The following NFYA variants were observed in gnomAD, a reference collection of about 807,000 sequenced individuals.
NFYA encodes the protein CAAT-box DNA binding protein subunit A.
In NFYA, 28 loss-of-function variants were observed where a neutral mutation model predicts 52.8. The ratio of observed to expected loss-of-function variants is 0.53; its 90% CI spans 0.39 to 0.73. The LOEUF is 0.73. Ranked by LOEUF, NFYA falls within the 30% of genes least tolerant of loss-of-function variation. NFYA has a pLI of 0.00. For missense variants in NFYA, 234 were observed against 427.0 expected (o/e 0.55, Z 3.98); for synonymous variants, 150 against 150.7 (o/e 1.00, Z 0.03).
chr6:41,081,036 C>T (rs1763890845), intron 3 of NFYA, 139 bp downstream of exon 3: 2 of 600,600 alleles, frequency 3.3e-6, no homozygotes, highest in Admixed American at 2.8e-5. Context: ...GTCTTTGAGG[C>T]TTATAAGATG....
chr6:41,079,029 G>A lies in NFYA; in HGVS notation c.-61G>A. On this transcript the variant is annotated splice_region_variant and 5_prime_UTR_variant, in exon 2 of 10. Transcript: ENST00000341376. ...GTTTCTTTCCCCACCTTTCTAACAG[G>A]AGTGTACCTCACAGCCTTCTAGGAT... is the stretch of plus-strand genomic sequence containing the variant. The A allele has an allele frequency of 6.1e-6, 9 of 1,482,108 alleles. No homozygotes were observed. Among genetic ancestry groups the A allele is most frequent in the Non-Finnish European group, 8.5e-6 (9 of 1,064,334 alleles). The allele number at this position is 1,482,108 out of a possible 1,614,324, so 91.8% of individuals were successfully genotyped here. A position where few individuals can be genotyped will look rare whatever the true frequency, so the allele number is the denominator to read the frequency against.
At chr6:41,084,388 A>T (rs1033290548) in intron 4 of NFYA, among the ~76,000 whole-genome samples, 196 bp downstream of exon 4, 1 of 152,232 alleles carries the variant, frequency 6.6e-6, no homozygotes, top group Non-Finnish European at 1.5e-5. Context: ...TCCAGTAATG[A>T]CTAAGATATT....
intron 9 of NFYA, among the ~76,000 whole-genome samples, chr6:41,096,301 A>C (rs1764354812): frequency 6.6e-6 from 1 of 152,210 alleles, no homozygotes; most frequent in Non-Finnish European, 1.5e-5. Flanking sequence ...GTAGTGTGAG[A>C]GCCCCTCCTT....
chr6:41,080,258 T>C (rs1256490440), intron 2 of NFYA, among the ~76,000 whole-genome samples: 1 of 152,028 alleles, frequency 6.6e-6, no homozygotes, highest in Non-Finnish European at 1.5e-5. Flanking sequence ...AAGACCAGCC[T>C]GGGCAAAACA....
At chr6:41,095,669 G>A (rs918189928) in intron 9 of NFYA, among the ~76,000 whole-genome samples, 3 of 152,164 alleles carry the variant, frequency 2.0e-5, no homozygotes, top group African/African-American at 7.2e-5. Context: ...AGGCTCAAGC[G>A]ATCCTCTCGC....
chr6:41,079,314 C>T (rs1352815577), intron 2 of NFYA, 150 bp downstream of exon 2: 2 of 698,650 alleles, frequency 2.9e-6, no homozygotes, highest in Non-Finnish European at 4.9e-6. Context: ...AATGCCATGT[C>T]TAGCCCATGA....
At chr6:41,096,185 A>G (rs1208740173) in intron 9 of NFYA, among the ~76,000 whole-genome samples, 1 of 152,318 alleles carries the variant, frequency 6.6e-6, no homozygotes, top group Middle Eastern at 3.4e-3. Context: ...TCTGTATAAC[A>G]TCTAAGCAAC....
chr6:41,094,784 C>T (rs1348906481), intron 9 of NFYA, among the ~76,000 whole-genome samples: 1 of 152,134 alleles, frequency 6.6e-6, no homozygotes, highest in Admixed American at 6.6e-5. Flanking sequence ...CAAAAAAATA[C>T]AAAAACTAGC....
Position 41,080,797 on chromosome 6 carries a change from G to T in NFYA, c.76-14G>T, listed in dbSNP as rs752942578. 2 of 1,609,818 alleles carry T rather than the reference G, an allele frequency of 1.2e-6. No individual in the cohort carries two copies. Among genetic ancestry groups the T allele is most frequent in the South Asian group, 2.2e-5 (2 of 90,946 alleles). On this transcript the variant is annotated splice_polypyrimidine_tract_variant and intron_variant, in intron 2 of 9. Coordinates refer to ENST00000341376, the MANE Select transcript of NFYA (RefSeq NM_002505.5). ...TCCTGACATATTTCAAGCTCTTCCT[G>T]TTCCTGTTCTCAGCAGCAGGGTGGT...
chr6:41,094,501 G>A lies in NFYA; in HGVS notation c.990+4G>A. On this transcript the variant is annotated splice_donor_region_variant and intron_variant, in intron 9 of 9. Coordinates refer to ENST00000341376, the MANE Select transcript of NFYA (RefSeq NM_002505.5). The stretch of plus-strand genomic sequence containing the variant: ...AAAGGATAGTCCCCATATGCAGGTA[G>A]GAAGACATATACATTTTATTCTTCT... 1 of 1,607,388 alleles carries A rather than the reference G, an allele frequency of 6.2e-7. No individual in the cohort carries two copies. The highest frequency in any genetic ancestry group is 8.5e-7 in the Non-Finnish European group (1 of 1,173,752).
chr6:41,079,072 A>G lies in NFYA; in HGVS notation c.-18A>G. 6.2e-7 allele frequency: 1 copy of G among 1,612,740 alleles called. No homozygotes were observed. The highest frequency in any genetic ancestry group is 8.5e-7 in the Non-Finnish European group (1 of 1,178,792). ...TCTAGGATCTCCAGAGTGGACAGGA[A>G]TCTCACTTGGAGGGACCATGGAGCA... On this transcript the variant is annotated 5_prime_UTR_variant, in exon 2 of 10. Transcript: ENST00000341376.
chr6:41,093,677 G>T (rs1764260862), intron 8 of NFYA, among the ~76,000 whole-genome samples: 2 of 152,144 alleles, frequency 1.3e-5, no homozygotes, highest in African/African-American at 2.4e-5. Context: ...CACCATGTTG[G>T]CCAGGCTGGT....
At position 41,100,990 on chromosome 6, in the gene NFYA, G is replaced by T. The variant is rs903632182; in HGVS notation, c.*3580G>T. On this transcript the variant is annotated 3_prime_UTR_variant, in exon 10 of 10. Transcript: ENST00000341376. Reference sequence around the variant, plus strand: ...TAGGCGGATTGGCTGCTACGCGGCTGGGCCCTGTTTCCGGTACCTAGGCGG... The same window carrying T: ...TAGGCGGATTGGCTGCTACGCGGCTTGGCCCTGTTTCCGGTACCTAGGCGG... The T allele has an allele frequency of 1.3e-5, 2 of 152,398 alleles. No individual in the cohort carries two copies. The highest frequency in any genetic ancestry group is 3.9e-4 in the East Asian group (2 of 5,168). The allele number at this position is 152,398 out of a possible 1,614,324, so 9.4% of individuals were successfully genotyped here. A position where few individuals can be genotyped will look rare whatever the true frequency, so the allele number is the denominator to read the frequency against.
chr6:41,090,381 T>C (rs775111138), intron 6 of NFYA, 72 bp downstream of exon 6: 9 of 884,324 alleles, frequency 1.0e-5, no homozygotes, highest in African/African-American at 1.7e-5. Flanking sequence ...CTGACATCTT[T>C]AGAATTTGAG....
At chr6:41,092,359 T>C (rs1764218996) in intron 7 of NFYA, among the ~76,000 whole-genome samples, 1 of 152,206 alleles carries the variant, frequency 6.6e-6, no homozygotes, top group African/African-American at 2.4e-5. Flanking sequence ...AGACCTCGTT[T>C]CTACGAATTG....
chr6:41,083,479 A>G (rs749615152), intron 3 of NFYA, among the ~76,000 whole-genome samples: 3 of 151,738 alleles, frequency 2.0e-5, no homozygotes, highest in Non-Finnish European at 4.4e-5. Context: ...TGAGCAGGAT[A>G]AAGGTATACA....
At chr6:41,096,547 A>G (rs564856886) in intron 9 of NFYA, among the ~76,000 whole-genome samples, 141 of 152,372 alleles carry the variant, frequency 9.3e-4, no homozygotes, top group African/African-American at 3.3e-3. Flanking sequence ...TACCTAGTGC[A>G]TGGTGAGTTC....
intron 9 of NFYA, among the ~76,000 whole-genome samples, chr6:41,096,669 G>T (rs547664324): frequency 6.6e-6 from 1 of 152,328 alleles, no homozygotes; most frequent in African/African-American, 2.4e-5. Flanking sequence ...CAGAGCCTTG[G>T]TATGGGGGAA....
chr6:41,088,142 G>A (rs59370327), intron 4 of NFYA, among the ~76,000 whole-genome samples: 17,726 of 152,018 alleles, frequency 0.12, 2,621 homozygotes, highest in African/African-American at 0.35. Flanking sequence ...ACATTTGGCC[G>A]GTGCGGTGGC....
Sources: allele counts gnomAD v4.1 joint callset (sites outside exome capture counted in the v4.1 genomes callset), GRCh38; gene constraint gnomAD v4.1.1; transcripts MANE v1.5; gene names NCBI Gene and HGNC (gene_info 2026-07-23, HGNC 2026-07-21).